Variants in CCDC91 observed in about 807,000 individuals in gnomAD.
CCDC91 encodes the protein coiled-coil domain-containing protein 91.
CCDC91 carries 48 observed loss-of-function variants against 63.2 expected under a neutral mutation model. The observed-to-expected ratio is 0.76, with a 90% CI of 0.60 to 0.97. CCDC91 has a LOEUF of 0.97. Ranked by LOEUF, CCDC91 falls within the 50% of genes least tolerant of loss-of-function variation. CCDC91 has a pLI of 0.00. For missense variants in CCDC91, 500 were observed against 494.6 expected, an observed-to-expected ratio of 1.01 and a Z score of -0.10; for synonymous variants, 167 against 165.8, an observed-to-expected ratio of 1.01 and a Z score of -0.06.
chr12:28,287,082 A>C (rs1246885758), intron 3 of CCDC91, among the ~76,000 whole-genome samples: 1 of 151,284 alleles, frequency 6.6e-6, no homozygotes, highest in African/African-American at 2.4e-5. Flanking sequence ...AATGTGTATA[A>C]GTTCCTTATA....
chr12:28,296,114 G>T (rs1202758367), intron 3 of CCDC91, among the ~76,000 whole-genome samples: 1 of 151,520 alleles, frequency 6.6e-6, no homozygotes, highest in East Asian at 1.9e-4. Context: ...TAAAGAAGCA[G>T]TGGGGAATGA....
intron 8 of CCDC91, among the ~76,000 whole-genome samples, chr12:28,408,491 G>T (rs148560066): frequency 6.6e-6 from 1 of 151,990 alleles, no homozygotes; most frequent in African/African-American, 2.4e-5. Context: ...TCTGACTGGC[G>T]TTGAGATGGT....
intron 11 of CCDC91, among the ~76,000 whole-genome samples, chr12:28,456,610 T>C (rs1192038053): frequency 6.6e-6 from 1 of 152,158 alleles, no homozygotes; most frequent in Non-Finnish European, 1.5e-5. Context: ...TTGTGAAAAT[T>C]ATATGTAAGT....
intron 8 of CCDC91, among the ~76,000 whole-genome samples, chr12:28,438,522 G>A (rs1014415910): frequency 6.6e-6 from 1 of 151,968 alleles, no homozygotes; most frequent in African/African-American, 2.4e-5. Context: ...GTGGTATTTT[G>A]TTACAGCAGC....
At chr12:28,235,434 C>T (rs1944881001) in intron 1 of CCDC91, among the ~76,000 whole-genome samples, 1 of 151,934 alleles carries the variant, frequency 6.6e-6, no homozygotes, top group Non-Finnish European at 1.5e-5. Context: ...TTAACTGATT[C>T]AAATTATAAA....
chr12:28,210,070 T>C (rs1327777439), intron 1 of CCDC91, among the ~76,000 whole-genome samples: 1 of 152,224 alleles, frequency 6.6e-6, no homozygotes, highest in Non-Finnish European at 1.5e-5. Context: ...AGTCATTTTT[T>C]ACTTTAGGAC....
At chr12:28,443,813 A>G (rs1272873017) in intron 8 of CCDC91, among the ~76,000 whole-genome samples, 1 of 152,186 alleles carries the variant, frequency 6.6e-6, no homozygotes, top group Non-Finnish European at 1.5e-5. Context: ...TATTAGACAA[A>G]CGAAATGGAA....
chr12:28,520,746 G>A (rs1940541107), intron 12 of CCDC91, among the ~76,000 whole-genome samples: 1 of 152,136 alleles, frequency 6.6e-6, no homozygotes, highest in African/African-American at 2.4e-5. Context: ...ATTAATTTTT[G>A]TATAAGGTGT....
chr12:28,538,732 AAGT>A (rs1372483673), intron 12 of CCDC91, among the ~76,000 whole-genome samples: 1 of 152,096 alleles, frequency 6.6e-6, no homozygotes, highest in Non-Finnish European at 1.5e-5. Flanking sequence ...AACAGTGTAA[AAGT>A]ATTCCTATTT....
intron 3 of CCDC91, among the ~76,000 whole-genome samples, chr12:28,269,328 C>A (rs1947583909): frequency 6.6e-6 from 1 of 151,986 alleles, no homozygotes; most frequent in Non-Finnish European, 1.5e-5. Flanking sequence ...ATTCTGGAAT[C>A]TTCCAACCCC....
intron 6 of CCDC91, among the ~76,000 whole-genome samples, chr12:28,359,773 A>C (rs536271548): frequency 2.6e-5 from 4 of 152,342 alleles, no homozygotes. Flanking sequence ...ATAAAATGGC[A>C]GAATATTTCT....
chr12:28,359,336 GAATT>G (rs1232110203), intron 6 of CCDC91, among the ~76,000 whole-genome samples: 1 of 152,142 alleles, frequency 6.6e-6, no homozygotes, highest in African/African-American at 2.4e-5. Flanking sequence ...AATTTGTAAT[GAATT>G]AGGCCAAATA....
chr12:28,248,639 A>G (rs563354579), intron 1 of CCDC91, among the ~76,000 whole-genome samples: 1 of 152,336 alleles, frequency 6.6e-6, no homozygotes, highest in South Asian at 2.1e-4. Context: ...AAGACAAGGA[A>G]TTGTTTCATT....
At chr12:28,543,271 G>T (rs1005541699) in intron 12 of CCDC91, among the ~76,000 whole-genome samples, 7 of 152,028 alleles carry the variant, frequency 4.6e-5, no homozygotes, top group Admixed American at 4.6e-4. Context: ...GGTAGGACTT[G>T]AACATATCTT....
chr12:28,203,670 G>C (rs1942631666), intron 1 of CCDC91, among the ~76,000 whole-genome samples: 1 of 152,180 alleles, frequency 6.6e-6, no homozygotes, highest in Admixed American at 6.5e-5. Flanking sequence ...TGTAGAAAAA[G>C]TTGAATTGTT....
intron 3 of CCDC91, among the ~76,000 whole-genome samples, chr12:28,277,602 G>C (rs1321678352): frequency 6.6e-6 from 1 of 151,886 alleles, no homozygotes; most frequent in East Asian, 1.9e-4. Context: ...GAATACTTCT[G>C]GTCTCAAGCA....
chr12:28,447,744 A>C (rs1227731152), intron 8 of CCDC91, among the ~76,000 whole-genome samples: 1 of 56,484 alleles, frequency 1.8e-5, no homozygotes, highest in Non-Finnish European at 3.2e-5. Context: ...AGGGCAGGGC[A>C]GGGGAGGGGA....
chr12:28,391,291 T>G lies in CCDC91; in HGVS notation c.655-13T>G. The G allele has an allele frequency of 6.4e-7, 1 of 1,559,810 alleles. No homozygotes were observed. The highest frequency in any genetic ancestry group is 8.8e-7 in the Non-Finnish European group (1 of 1,133,626). On this transcript the variant is annotated splice_polypyrimidine_tract_variant and intron_variant, in intron 7 of 12. Transcript: ENST00000536442. ...TTGTCTGTGATCCAAATGACTTTTTTGCTTGTTTTCAGGCACTACTGCAGT... is the reference window on the plus strand; with the variant it reads ...TTGTCTGTGATCCAAATGACTTTTTGGCTTGTTTTCAGGCACTACTGCAGT...
At chr12:28,378,021 T>C (rs1303096655) in intron 7 of CCDC91, among the ~76,000 whole-genome samples, 2 of 152,062 alleles carry the variant, frequency 1.3e-5, no homozygotes, top group African/African-American at 4.8e-5. Flanking sequence ...CTTCCTCTTA[T>C]ATTTAAATAT....
Sources: gnomAD v4.1 joint callset for allele counts (sites outside exome capture counted in the v4.1 genomes callset) on GRCh38, gnomAD v4.1.1 for gene constraint, MANE v1.5 for transcripts, NCBI Gene and HGNC (gene_info 2026-07-23, HGNC 2026-07-21) for gene names.